Variants in MBD5 observed in about 807,000 individuals in gnomAD.
MBD5 encodes the protein methyl-CpG-binding domain protein 5.
A neutral mutation model predicts 117.3 loss-of-function variants in MBD5; 13 were observed. That is an observed-to-expected ratio of 0.11 (90% CI 0.07 to 0.18). The LOEUF (loss-of-function observed/expected upper bound fraction) is 0.18. Among genes scored for constraint, MBD5 ranks in the 10% least tolerant of loss-of-function variants. The pLI is 1.00. For synonymous variants in MBD5, 727 were observed against 766.4 expected, an observed-to-expected ratio of 0.95 and a Z score of 0.85; for missense variants, 1,879 against 2,093.8, an observed-to-expected ratio of 0.90 and a Z score of 2.00.
intron 1 of MBD5, among the ~76,000 whole-genome samples, chr2:148,030,185 C>T (rs967186082): frequency 3.3e-5 from 5 of 151,796 alleles, no homozygotes; most frequent in African/African-American, 7.3e-5. Flanking sequence ...GCAAGAGAAT[C>T]GCTTCAACTC....
At chr2:148,117,383 G>A (rs886952366) in intron 1 of MBD5, among the ~76,000 whole-genome samples, 1 of 151,166 alleles carries the variant, frequency 6.6e-6, no homozygotes, top group Admixed American at 6.6e-5. Flanking sequence ...CAAATTTATA[G>A]CCTTTTGGAA....
intron 4 of MBD5, among the ~76,000 whole-genome samples, chr2:148,409,717 C>A (rs1034896444): frequency 1.3e-5 from 2 of 152,104 alleles, no homozygotes; most frequent in East Asian, 1.9e-4. Context: ...GGAAGAAAAT[C>A]TCAAGGTATT....
intron 1 of MBD5, among the ~76,000 whole-genome samples, chr2:148,100,199 G>A (rs1696171135): frequency 6.6e-6 from 1 of 152,092 alleles, no homozygotes; most frequent in Admixed American, 6.6e-5. Flanking sequence ...GGAAGAATGT[G>A]CCCCAGGCTG....
At chr2:148,368,437 C>T (rs1428237252) in intron 4 of MBD5, among the ~76,000 whole-genome samples, 1 of 151,934 alleles carries the variant, frequency 6.6e-6, no homozygotes, top group African/African-American at 2.4e-5. Flanking sequence ...AACAATCCTG[C>T]ACATTCTGCA....
At chr2:148,294,509 T>TTTTTTTTTGTTTG (rs1701598245) in intron 3 of MBD5, among the ~76,000 whole-genome samples, 1 of 129,984 alleles carries the variant, frequency 7.7e-6, no homozygotes, top group Non-Finnish European at 1.6e-5. Context: ...CAGTTTTTTT[T>TTTTTTTTTGTTTG]TTTTTTTTTT....
intron 3 of MBD5, among the ~76,000 whole-genome samples, chr2:148,240,266 G>A (rs888776888): frequency 7.2e-5 from 11 of 152,172 alleles, no homozygotes; most frequent in African/African-American, 2.4e-4. Context: ...GGGGCCTGTC[G>A]TGAGGCAGGG....
At chr2:148,391,619 T>C (rs1387882207) in intron 4 of MBD5, among the ~76,000 whole-genome samples, 1 of 152,182 alleles carries the variant, frequency 6.6e-6, no homozygotes, top group Non-Finnish European at 1.5e-5. Context: ...CAGACAACAT[T>C]CCTCTCTAAT....
intron 4 of MBD5, among the ~76,000 whole-genome samples, chr2:148,388,267 TA>T (rs1441569742): frequency 1.3e-5 from 2 of 152,170 alleles, no homozygotes; most frequent in African/African-American, 2.4e-5. Context: ...GTAAATTAGT[TA>T]GGGGAGAATT....
At chr2:148,213,118 A>G (rs893255069) in intron 2 of MBD5, among the ~76,000 whole-genome samples, 3 of 152,150 alleles carry the variant, frequency 2.0e-5, no homozygotes, top group Non-Finnish European at 4.4e-5. Context: ...GCTTTCTTCC[A>G]TAGTGGCTGG....
intron 1 of MBD5, among the ~76,000 whole-genome samples, chr2:148,126,998 A>G (rs1465200107): frequency 3.0e-5 from 4 of 134,048 alleles, no homozygotes; most frequent in Admixed American, 2.4e-4. Context: ...TTTTTTTTAG[A>G]CGGAGTCTTG....
At chr2:148,113,419 T>A (rs1696549080) in intron 1 of MBD5, among the ~76,000 whole-genome samples, 1 of 152,246 alleles carries the variant, frequency 6.6e-6, no homozygotes, top group Non-Finnish European at 1.5e-5. Context: ...TGGCATTTAC[T>A]GTTAACAGAT....
intron 4 of MBD5, among the ~76,000 whole-genome samples, chr2:148,434,849 G>A (rs1706106795): frequency 6.6e-6 from 1 of 151,266 alleles, no homozygotes; most frequent in Non-Finnish European, 1.5e-5. Context: ...TACTGTCAGT[G>A]AGTTGTTGTG....
intron 3 of MBD5, among the ~76,000 whole-genome samples, chr2:148,309,515 G>A (rs1701976862): frequency 6.6e-6 from 1 of 152,202 alleles, no homozygotes; most frequent in South Asian, 2.1e-4. Flanking sequence ...CTTTGCTGAA[G>A]TTGCTTATCA....
intron 2 of MBD5, among the ~76,000 whole-genome samples, chr2:148,211,269 T>A (rs1187142005): frequency 1.3e-5 from 2 of 152,306 alleles, no homozygotes; most frequent in South Asian, 4.1e-4. Flanking sequence ...TCTTTCATTT[T>A]TCTAGTTGGA....
intron 1 of MBD5, among the ~76,000 whole-genome samples, chr2:148,139,270 A>T (rs2105521233): frequency 6.6e-6 from 1 of 152,128 alleles, no homozygotes; most frequent in African/African-American, 2.4e-5. Flanking sequence ...GCAGTGACGC[A>T]ATCTCGGCTC....
intron 1 of MBD5, among the ~76,000 whole-genome samples, chr2:148,157,909 A>C (rs1697913233): frequency 6.6e-6 from 1 of 152,186 alleles, no homozygotes; most frequent in Non-Finnish European, 1.5e-5. Flanking sequence ...TAATATCTCA[A>C]AAATATTCAT....
intron 3 of MBD5, among the ~76,000 whole-genome samples, chr2:148,238,850 G>T (rs1700147561): frequency 6.6e-6 from 1 of 151,862 alleles, no homozygotes; most frequent in Non-Finnish European, 1.5e-5. Flanking sequence ...TATAAGGATT[G>T]GATTAGGGCC....
intron 4 of MBD5, among the ~76,000 whole-genome samples, chr2:148,390,535 A>ATG (rs1704539239): frequency 7.1e-6 from 1 of 140,028 alleles, no homozygotes; most frequent in Non-Finnish European, 1.5e-5. Flanking sequence ...GTGTGTGTAT[A>ATG]TGTGTGTATA....
At chr2:148,498,997 A>C (rs189800009) in intron 11 of MBD5, among the ~76,000 whole-genome samples, 8 of 152,330 alleles carry the variant, frequency 5.3e-5, no homozygotes, top group Admixed American at 5.2e-4. Context: ...AGTTTTTAAT[A>C]GTCAAAAAGT....
Sources: gnomAD v4.1 joint callset for allele counts (sites outside exome capture counted in the v4.1 genomes callset) on GRCh38, gnomAD v4.1.1 for gene constraint, MANE v1.5 for transcripts, NCBI Gene and HGNC (gene_info 2026-07-23, HGNC 2026-07-21) for gene names.